Variants in CR1L observed in about 807,000 individuals in gnomAD.
The protein encoded by CR1L is complement C3b/C4b receptor 1 like.
In CR1L, 59 loss-of-function variants were observed where a neutral mutation model predicts 62.3. That is an observed-to-expected ratio of 0.95 (90% CI 0.77 to 1.18). The LOEUF is 1.18. Among genes scored for constraint, CR1L ranks in the 50% most tolerant of loss-of-function variants. The pLI, the probability that CR1L is intolerant of heterozygous loss-of-function variation, is 0.00. For missense variants in CR1L, 700 were observed against 702.8 expected, an observed-to-expected ratio of 1.00 and a Z score of 0.04; for synonymous variants, 279 against 248.7, an observed-to-expected ratio of 1.12 and a Z score of -1.15.
At chr1:207,666,853 G>A (rs572977489) in intron 1 of CR1L, among the ~76,000 whole-genome samples, 17 of 152,180 alleles carry the variant, frequency 1.1e-4, no homozygotes, top group African/African-American at 4.1e-4. Flanking sequence ...AAACGTAAAA[G>A]TTAATAAAAG....
chr1:207,682,496 C>T (rs1221051902), intron 3 of CR1L, among the ~76,000 whole-genome samples: 1 of 151,956 alleles, frequency 6.6e-6, no homozygotes, highest in Non-Finnish European at 1.5e-5. Flanking sequence ...AAAATGATAT[C>T]GAAGTCACTA....
chr1:207,697,986 A>G (rs1664133414), intron 7 of CR1L, 113 bp downstream of exon 7: 1 of 1,475,572 alleles, frequency 6.8e-7, no homozygotes, highest in Non-Finnish European at 9.3e-7. Flanking sequence ...ACACACACAC[A>G]CACACACACA....
chr1:207,691,570 G>C (rs1021060069), intron 4 of CR1L, among the ~76,000 whole-genome samples: 9 of 151,928 alleles, frequency 5.9e-5, no homozygotes, highest in African/African-American at 1.7e-4. Context: ...TCATGTGTTT[G>C]TGCCTTTATT....
At chr1:207,684,052 C>G in intron 4 of CR1L, 95 bp downstream of exon 4, 1 of 1,153,368 alleles carries the variant, frequency 8.7e-7, no homozygotes, top group South Asian at 1.5e-5. Context: ...TCTGTGCAAT[C>G]TGTACTTCAC....
At chr1:207,693,533 A>G (rs1301333581) in intron 4 of CR1L, among the ~76,000 whole-genome samples, 1 of 152,246 alleles carries the variant, frequency 6.6e-6, no homozygotes, top group African/African-American at 2.4e-5. Flanking sequence ...TCACTTAAAC[A>G]TGCTAGGCTT....
intron 10 of CR1L, chr1:207,708,979 G>A (rs1423786747): frequency 2.9e-6 from 1 of 342,878 alleles, no homozygotes; most frequent in Non-Finnish European, 5.7e-6. Flanking sequence ...TATGGCTGTA[G>A]ATCAGTATCC....
intron 3 of CR1L, among the ~76,000 whole-genome samples, chr1:207,681,004 T>C (rs1479660801): frequency 2.6e-5 from 4 of 152,228 alleles, no homozygotes; most frequent in Non-Finnish European, 5.9e-5. Flanking sequence ...TGGCTACCCT[T>C]AAGCTGTGTG....
At chr1:207,658,050 T>C (rs1374728555) in intron 1 of CR1L, among the ~76,000 whole-genome samples, 2 of 152,100 alleles carry the variant, frequency 1.3e-5, no homozygotes, top group Non-Finnish European at 2.9e-5. Context: ...AAAATAGTAG[T>C]CAGCCGGGAA....
rs761201594 is a variant in CR1L at position 207,717,645 on chromosome 1, G to A, written c.1596G>A (p.Gly532=). 1 of 1,613,978 alleles carries A rather than the reference G, an allele frequency of 6.2e-7. No homozygotes were observed. Among genetic ancestry groups the A allele is most frequent in the South Asian group, 1.1e-5 (1 of 91,068 alleles). ...IRRTSEPHGN[G]VWSSPAPRCE... Reference sequence around the variant, plus strand: ...GCACAAGTGAACCTCATGGGAATGGGGTTTGGAGCAGCCCTGCCCCTCGCT... The same window carrying A: ...GCACAAGTGAACCTCATGGGAATGGAGTTTGGAGCAGCCCTGCCCCTCGCT... The change falls in exon 11 of 12, where the codon GGG becomes GGA. Residue 532 remains glycine, a synonymous_variant. Coordinates refer to ENST00000508064, the MANE Select transcript of CR1L (RefSeq NM_175710.2).
Position 207,697,892 on chromosome 1 carries a change from G to C in CR1L, c.1142+19G>C. 6.2e-7 allele frequency: 1 copy of C among 1,613,706 alleles called. No homozygotes were observed. Among genetic ancestry groups the C allele is most frequent in the Non-Finnish European group, 8.5e-7 (1 of 1,179,828 alleles). On this transcript the variant is annotated intron_variant, in intron 7 of 11. Transcript: ENST00000508064. ...ATGAAGGGTGAGTATGAGCTTGCCT[G>C]ACCTGCTGGACATTGAAATTGGGGT...
At chr1:207,666,146 A>G (rs1663520697) in intron 1 of CR1L, among the ~76,000 whole-genome samples, 1 of 152,066 alleles carries the variant, frequency 6.6e-6, no homozygotes, top group Non-Finnish European at 1.5e-5. Flanking sequence ...ATTTAGAGTT[A>G]CTCCGTCCTC....
In CR1L at chr1:207,693,795, T is replaced by C. The variant is rs1410536917; in HGVS notation, c.464-558T>C. ...TACATGTTTGTTGGGTAATTCTAGCTTTCTAAATCTTTTTGAATGAATATT... is the reference window on the plus strand; with the variant it reads ...TACATGTTTGTTGGGTAATTCTAGCCTTCTAAATCTTTTTGAATGAATATT... On this transcript the variant is annotated intron_variant, in intron 4 of 11. Coordinates refer to ENST00000508064, the MANE Select transcript of CR1L (RefSeq NM_175710.2). Among the ~76,000 whole-genome samples, 4 of 152,172 alleles carry C rather than the reference T, an allele frequency of 2.6e-5. No individual in the cohort carries two copies. In the East Asian group the frequency reaches 7.7e-4, roughly 29 times the overall value.
intron 1 of CR1L, among the ~76,000 whole-genome samples, chr1:207,672,372 ATATGTGGGG>A: frequency 6.9e-6 from 1 of 144,988 alleles, no homozygotes; most frequent in South Asian, 2.1e-4. Context: ...GAGAAACAAA[ATATGTGGGG>A]CAAAGCTGAT....
In CR1L at chr1:207,715,709, AT is replaced by A. The variant is rs111760747; in HGVS notation, c.1415-1745del. ...TCTTATAAGGAGTAATCTTTCTTAC[AT>A]TTTTTTTTTCTTTTTTGAGACAGTT... On this transcript the variant is annotated intron_variant, in intron 10 of 11. Transcript: ENST00000508064. Among the ~76,000 whole-genome samples the A allele has an allele frequency of 1.4e-3, 203 of 149,484 alleles. 1 individual carries two copies. The highest frequency in any genetic ancestry group is 3.9e-3 in the Admixed American group (59 of 14,980).
At position 207,708,248 on chromosome 1, in the gene CR1L, C is replaced by T. The variant is rs747340550; in HGVS notation, c.1399C>T (p.Pro467Ser). The T allele has an allele frequency of 6.2e-7, 1 of 1,611,328 alleles. No homozygotes were observed. Among genetic ancestry groups the T allele is most frequent in the South Asian group, 1.1e-5 (1 of 90,972 alleles). ...SGNTAHWSMK[P>S]PICQQIFCPN... ...CAATACTGCCCATTGGAGCATGAAG[C>T]CACCAATTTGTCAACGTGAGTTGAA... The change falls in exon 10 of 12, where the codon CCA (proline) becomes TCA (serine). Residue 467 changes from proline (P) to serine (S), a missense_variant. Physicochemically the swap from Pro to Ser is moderately conservative, Grantham distance 74. Coordinates refer to ENST00000508064, the MANE Select transcript of CR1L (RefSeq NM_175710.2).
intron 1 of CR1L, among the ~76,000 whole-genome samples, chr1:207,672,446 C>G (rs1287918400): frequency 7.0e-6 from 1 of 143,086 alleles, no homozygotes. Context: ...ACTTCAGCAC[C>G]TTTATCTTTT....
chr1:207,713,443 C>T (rs1664393616), intron 10 of CR1L, among the ~76,000 whole-genome samples: 2 of 152,236 alleles, frequency 1.3e-5, no homozygotes, highest in South Asian at 4.1e-4. Context: ...TTTTCTCAGC[C>T]ACTTTGCCAG....
At chr1:207,688,997 G>A (rs1663954466) in intron 4 of CR1L, among the ~76,000 whole-genome samples, 1 of 151,928 alleles carries the variant, frequency 6.6e-6, no homozygotes. Flanking sequence ...CCTTTCTTAT[G>A]TCTTTTGTTT....
intron 9 of CR1L, among the ~76,000 whole-genome samples, chr1:207,706,882 C>G (rs1348679641): frequency 6.6e-6 from 1 of 152,028 alleles, no homozygotes; most frequent in Admixed American, 6.5e-5. Context: ...AACACAAAAA[C>G]TGGCAATGTA....
Sources: allele counts gnomAD v4.1 joint callset (sites outside exome capture counted in the v4.1 genomes callset), GRCh38; gene constraint gnomAD v4.1.1; transcripts MANE v1.5; gene names NCBI Gene and HGNC (gene_info 2026-07-23, HGNC 2026-07-21).